The following PARN variants were observed in gnomAD, a reference collection of about 807,000 sequenced individuals.
The protein encoded by PARN is poly(A)-specific ribonuclease PARN.
A neutral mutation model predicts 102.8 loss-of-function variants in PARN; 71 were observed. That is an observed-to-expected ratio of 0.69 (90% confidence interval 0.57 to 0.84). PARN has a LOEUF of 0.84. Among genes scored for constraint, PARN ranks in the 40% least tolerant of loss-of-function variants. The pLI, the probability that PARN is intolerant of heterozygous loss-of-function variation, is 0.00. For missense variants in PARN, 782 were observed against 760.9 expected (o/e 1.03, Z -0.33); for synonymous variants, 261 against 252.9 (o/e 1.03, Z -0.30).
At chr16:14,525,133 A>C (rs1384537277) in intron 21 of PARN, among the ~76,000 whole-genome samples, 1 of 152,230 alleles carries the variant, frequency 6.6e-6, no homozygotes, top group African/African-American at 2.4e-5. Context: ...GAATTTCAGT[A>C]TGAAGATCTC....
chr16:14,436,281 G>A lies in PARN; in HGVS notation c.*436C>T. 1 of 159,034 alleles carries A rather than the reference G, an allele frequency of 6.3e-6. No homozygotes were observed. The allele number at this position is 159,034 out of a possible 1,614,324, so 9.9% of individuals were successfully genotyped here. On this transcript the variant is annotated 3_prime_UTR_variant, in exon 24 of 24. Transcript: ENST00000437198. ...GGGAGACTAACCGAGGGCTGCAACT[G>A]CCTCAAAATCTCAGTGCGAGAAGAT... is the stretch of plus-strand genomic sequence containing the variant.
At chr16:14,492,536 G>C (rs913039028) in intron 21 of PARN, among the ~76,000 whole-genome samples, 3 of 152,140 alleles carry the variant, frequency 2.0e-5, no homozygotes, top group African/African-American at 4.8e-5. Context: ...GGATGTAGCA[G>C]AACAGGGCAG....
intron 22 of PARN, among the ~76,000 whole-genome samples, chr16:14,448,407 A>G (rs1438170254): frequency 6.6e-6 from 1 of 152,090 alleles, no homozygotes; most frequent in African/African-American, 2.4e-5. Context: ...TTGGCCTCCC[A>G]AAGTGCTGGG....
chr16:14,501,379 G>T (rs1964584248), intron 21 of PARN, among the ~76,000 whole-genome samples: 1 of 128,778 alleles, frequency 7.8e-6, no homozygotes, highest in Non-Finnish European at 1.6e-5. Context: ...ACGCTGAGGT[G>T]GGAGGATCAC....
intron 18 of PARN, among the ~76,000 whole-genome samples, chr16:14,560,753 C>T (rs1718330260): frequency 6.6e-6 from 1 of 152,270 alleles, no homozygotes; most frequent in South Asian, 2.1e-4. Flanking sequence ...ACAGGCTACA[C>T]AGCATACGCT....
chr16:14,590,188 T>G (rs1232480240), intron 13 of PARN, among the ~76,000 whole-genome samples: 1 of 113,854 alleles, frequency 8.8e-6, no homozygotes, highest in Admixed American at 1.3e-4. Context: ...GAGGCCGAGA[T>G]CGCACCACTG....
intron 21 of PARN, among the ~76,000 whole-genome samples, chr16:14,521,229 C>A (rs1199760758): frequency 6.6e-6 from 1 of 152,178 alleles, no homozygotes; most frequent in Non-Finnish European, 1.5e-5. Context: ...TGACAGACAA[C>A]AGAGAATTTC....
At chr16:14,545,033 C>G (rs1274757760) in intron 21 of PARN, among the ~76,000 whole-genome samples, 1 of 151,888 alleles carries the variant, frequency 6.6e-6, no homozygotes, top group African/African-American at 2.4e-5. Context: ...CCAAAAAATA[C>G]AAAAATTAGC....
At chr16:14,573,641 T>TG (rs1215409769) in intron 18 of PARN, among the ~76,000 whole-genome samples, 1 of 152,220 alleles carries the variant, frequency 6.6e-6, no homozygotes, top group Non-Finnish European at 1.5e-5. Flanking sequence ...CTCTCACAAT[T>TG]CCTACATGTT....
intron 5 of PARN, among the ~76,000 whole-genome samples, chr16:14,621,839 A>G (rs1414390423): frequency 6.6e-6 from 1 of 151,564 alleles, no homozygotes; most frequent in African/African-American, 2.4e-5. Context: ...GAACTAACAA[A>G]ACCTTTTGGA....
chr16:14,615,828 T>C (rs966715576), intron 6 of PARN, among the ~76,000 whole-genome samples: 1 of 151,296 alleles, frequency 6.6e-6, no homozygotes, highest in Non-Finnish European at 1.5e-5. Flanking sequence ...TTGAACCTGT[T>C]AGGTGGAGGC....
intron 21 of PARN, among the ~76,000 whole-genome samples, chr16:14,533,751 C>T (rs1230471759): frequency 6.6e-6 from 1 of 152,118 alleles, no homozygotes; most frequent in African/African-American, 2.4e-5. Context: ...ATCTTCCTGC[C>T]AGTTTGAGCC....
chr16:14,559,011 G>A (rs1276777792), intron 18 of PARN, among the ~76,000 whole-genome samples: 1 of 151,964 alleles, frequency 6.6e-6, no homozygotes, highest in Non-Finnish European at 1.5e-5. Flanking sequence ...CACCTGGCTG[G>A]GAGGGAGAAA....
chr16:14,504,065 T>A (rs1275277884), intron 21 of PARN, among the ~76,000 whole-genome samples: 1 of 152,186 alleles, frequency 6.6e-6, no homozygotes, highest in Non-Finnish European at 1.5e-5. Flanking sequence ...GAGAAGGGGC[T>A]TAGAGAGGAT....
At position 14,473,232 on chromosome 16, in the gene PARN, C is replaced by T. The variant is rs183124994; in HGVS notation, c.1670+9406G>A. 2.0e-3 allele frequency among the ~76,000 whole-genome samples: 297 copies of T among 152,276 alleles called. 2 individuals are homozygous for T. The highest frequency in any genetic ancestry group is 6.9e-3 in the African/African-American group (285 of 41,560). ...GCGAGTGAGGAATGAAGATTTTCCTCCTTCATTTTACACTCTAGTGTACTA... is the reference window on the plus strand; with the variant it reads ...GCGAGTGAGGAATGAAGATTTTCCTTCTTCATTTTACACTCTAGTGTACTA... On this transcript the variant is annotated intron_variant, in intron 22 of 23. Coordinates refer to ENST00000437198, the MANE Select transcript of PARN (RefSeq NM_002582.4).
intron 22 of PARN, among the ~76,000 whole-genome samples, chr16:14,474,118 G>GAGT (rs1393468673): frequency 6.6e-6 from 1 of 152,080 alleles, no homozygotes; most frequent in Non-Finnish European, 1.5e-5. Context: ...TCAACCTCCT[G>GAGT]AGTATCTGGG....
At chr16:14,599,506 CATT>C (rs754697889) in intron 12 of PARN, among the ~76,000 whole-genome samples, 11 of 152,158 alleles carry the variant, frequency 7.2e-5, no homozygotes, top group Non-Finnish European at 1.2e-4. Flanking sequence ...ACAAAGACAT[CATT>C]ATTTTTACCC....
At position 14,435,888 on chromosome 16, in the gene PARN, G is replaced by C. The variant is rs1276679319; in HGVS notation, c.*829C>G. On this transcript the variant is annotated 3_prime_UTR_variant, in exon 24 of 24. Coordinates refer to ENST00000437198, the MANE Select transcript of PARN (RefSeq NM_002582.4). ...ATGGGCTGGGACATGTTGTAGATTTGCACGATTTCACACACACACACACAC... is the reference window on the plus strand; with the variant it reads ...ATGGGCTGGGACATGTTGTAGATTTCCACGATTTCACACACACACACACAC... The C allele has an allele frequency of 7.2e-6, 1 of 139,416 alleles. No homozygotes were observed. Among genetic ancestry groups the C allele is most frequent in the Non-Finnish European group, 1.5e-5 (1 of 66,082 alleles). 8.6% of individuals were successfully genotyped at this position (139,416 alleles called of 1,614,324 possible). A position where few individuals can be genotyped will look rare whatever the true frequency, so the allele number is the denominator to read the frequency against.
chr16:14,527,911 G>A (rs1459243055), intron 21 of PARN, among the ~76,000 whole-genome samples: 1 of 152,252 alleles, frequency 6.6e-6, no homozygotes, highest in Non-Finnish European at 1.5e-5. Flanking sequence ...CTGGAAGGCA[G>A]AGTGCAGTCT....
Sources: gnomAD v4.1 joint callset for allele counts (sites outside exome capture counted in the v4.1 genomes callset) on GRCh38, gnomAD v4.1.1 for gene constraint, MANE v1.5 for transcripts, NCBI Gene and HGNC (gene_info 2026-07-23, HGNC 2026-07-21) for gene names.